PRSS12: variants seen among roughly 807,000 people sequenced by gnomAD.
PRSS12 encodes the protein serine protease 12.
PRSS12 carries 85 observed loss-of-function variants against 104.4 expected under a neutral mutation model. That is an observed-to-expected ratio of 0.81 (90% CI 0.68 to 0.98). The LOEUF (loss-of-function observed/expected upper bound fraction) is 0.98, where lower values mean the gene tolerates loss of function less well. Ranked by LOEUF, PRSS12 falls within the 50% of genes least tolerant of loss-of-function variation. The pLI, the probability that PRSS12 is intolerant of heterozygous loss-of-function variation, is 0.00. For missense variants in PRSS12, 1,141 were observed against 1,139.2 expected, an observed-to-expected ratio of 1.00 and a Z score of -0.02; for synonymous variants, 454 against 425.2, an observed-to-expected ratio of 1.07 and a Z score of -0.83.
chr4:118,326,825 T>C (rs1225807180), intron 4 of PRSS12, among the ~76,000 whole-genome samples: 1 of 152,200 alleles, frequency 6.6e-6, no homozygotes, highest in Non-Finnish European at 1.5e-5. Flanking sequence ...AAACAAGTTA[T>C]CTTTCCTGCT....
In PRSS12 at chr4:118,334,578, G is replaced by C. The variant is rs370723619; in HGVS notation, c.820+895C>G. ...CCCAGTCAAAAAAAAAAGGATTATA[G>C]CTCTCAGAGTATACACCTGGACTAT... On this transcript the variant is annotated intron_variant, in intron 3 of 12. Coordinates refer to ENST00000296498, the MANE Select transcript of PRSS12 (RefSeq NM_003619.4). Among the ~76,000 whole-genome samples the C allele has an allele frequency of 1.1e-3, 171 of 152,160 alleles. 1 individual carries two copies. Among genetic ancestry groups the C allele is most frequent in the African/African-American group, 4.0e-3 (165 of 41,522 alleles).
intron 5 of PRSS12, 117 bp downstream of exon 5, chr4:118,318,261 G>T: frequency 3.2e-6 from 3 of 950,170 alleles, no homozygotes; most frequent in Non-Finnish European, 4.8e-6. Context: ...TGTTTTATTT[G>T]GTGTATTTAT....
intron 8 of PRSS12, chr4:118,305,922 T>A (rs931171791): frequency 4.7e-5 from 7 of 147,822 alleles, no homozygotes; most frequent in African/African-American, 1.7e-4. Flanking sequence ...TCAGTAACTG[T>A]ATATATATAT....
rs1370839232 is a variant in PRSS12, at chr4:118,311,931, G to C, written c.1489+1270C>G. ...ATTCCAACACCTGCTATCTGGGGCT[G>C]AGAGAATCCATCTCCAGCAAACAAA... On this transcript the variant is annotated intron_variant, in intron 7 of 12. Transcript: ENST00000296498. Among the ~76,000 whole-genome samples, 3 of 152,122 alleles carry C rather than the reference G, an allele frequency of 2.0e-5. No individual in the cohort carries two copies. The East Asian group carries it at 5.8e-4, about 29-fold the overall frequency.
At position 118,308,422 on chromosome 4, in the gene PRSS12, T is replaced by C. The variant is rs755428427; in HGVS notation, c.1631+14A>G. On this transcript the variant is annotated intron_variant, in intron 8 of 12. Coordinates refer to ENST00000296498, the MANE Select transcript of PRSS12 (RefSeq NM_003619.4). ...CTCATCAGTAACCATCCCAAATAAT[T>C]AGGTTTTCCTTACTTGTAGCCAAGC... 3 of 1,613,834 alleles carry C rather than the reference T, an allele frequency of 1.9e-6. No homozygotes were observed. The highest frequency in any genetic ancestry group is 2.5e-6 in the Non-Finnish European group (3 of 1,179,872).
At chr4:118,287,626 T>G (rs1743043455) in intron 11 of PRSS12, among the ~76,000 whole-genome samples, 1 of 152,200 alleles carries the variant, frequency 6.6e-6, no homozygotes, top group Admixed American at 6.5e-5. Context: ...TAGTGTCACC[T>G]CTCCTAGTGG....
chr4:118,346,524 A>G (rs553001437), intron 1 of PRSS12, among the ~76,000 whole-genome samples: 2 of 151,844 alleles, frequency 1.3e-5, no homozygotes, highest in East Asian at 3.9e-4. Flanking sequence ...CATCAAATGC[A>G]GGTACCTGTG....
rs984022562 is a variant in PRSS12 at position 118,313,336 on chromosome 4, C to A, written c.1354G>T (p.Asp452Tyr). The A allele has an allele frequency of 6.2e-7, 1 of 1,614,150 alleles. No homozygotes were observed. Among genetic ancestry groups the A allele is most frequent in the Non-Finnish European group, 8.5e-7 (1 of 1,180,006 alleles). The change falls in exon 7 of 13, where the codon GAC becomes TAC. Residue 452 changes from aspartate (D) to tyrosine (Y), a missense_variant. Coordinates refer to ENST00000296498, the MANE Select transcript of PRSS12 (RefSeq NM_003619.4). ...EESTGPIWLDDVSCSGKETRF... is the reference protein window; with the variant it reads ...EESTGPIWLDYVSCSGKETRF... Reference sequence around the variant, plus strand: ...GTTTCCTTTCCTGAGCAGCTGACGTCATCCAACCATATGGGCCCTGTGCTT... The same window carrying A: ...GTTTCCTTTCCTGAGCAGCTGACGTAATCCAACCATATGGGCCCTGTGCTT...
intron 8 of PRSS12, among the ~76,000 whole-genome samples, chr4:118,301,612 T>G (rs1337869447): frequency 6.6e-6 from 1 of 152,226 alleles, no homozygotes; most frequent in African/African-American, 2.4e-5. Flanking sequence ...AGGATTGCGG[T>G]ACATCTCTTC....
At position 118,352,753 on chromosome 4, in the gene PRSS12, C is replaced by G. The variant is rs1226199661; in HGVS notation, c.-33G>C. On this transcript the variant is annotated 5_prime_UTR_variant, in exon 1 of 13. Coordinates refer to ENST00000296498, the MANE Select transcript of PRSS12 (RefSeq NM_003619.4). ...GCGCTGCGGGGTCTGGTCCATGCTC[C>G]CCAGCTTCTCGGGCTTGGAGCGGAG... The G allele has an allele frequency of 6.2e-7, 1 of 1,610,810 alleles. No homozygotes were observed. The highest frequency in any genetic ancestry group is 8.5e-7 in the Non-Finnish European group (1 of 1,178,680).
At chr4:118,290,708 T>C (rs1340130591) in intron 11 of PRSS12, among the ~76,000 whole-genome samples, 1 of 152,124 alleles carries the variant, frequency 6.6e-6, no homozygotes, top group Non-Finnish European at 1.5e-5. Flanking sequence ...TTAAATAATT[T>C]CTGCAAAGTT....
rs1742919822 is a variant in PRSS12, at chr4:118,282,923, C to T, written c.2228G>A (p.Ser743Asn). 3 of 1,614,188 alleles carry T rather than the reference C, an allele frequency of 1.9e-6. No homozygotes were observed. The highest frequency in any genetic ancestry group is 2.5e-6 in the Non-Finnish European group (3 of 1,180,040). Reference protein sequence around the residue: ...QGPEEQCARFSSHVLPACLPL... With the variant: ...QGPEEQCARFNSHVLPACLPL... ...TAAACAGGCTGGCAAAACATGGCTGCTGAATCTGGCACATTGCTCTTCTGG... is the reference window on the plus strand; with the variant it reads ...TAAACAGGCTGGCAAAACATGGCTGTTGAATCTGGCACATTGCTCTTCTGG... Residue 743 changes from serine to asparagine, a missense_variant, in exon 12 of 13, where the codon AGC becomes AAC. Coordinates refer to ENST00000296498, the MANE Select transcript of PRSS12 (RefSeq NM_003619.4).
At chr4:118,282,367 A>G in intron 12 of PRSS12, 124 bp from the exon 13 acceptor site, 6 of 1,239,522 alleles carry the variant, frequency 4.8e-6, no homozygotes, top group Non-Finnish European at 7.0e-6. Context: ...GTTTAAAATG[A>G]GCAATGACTA....
At position 118,352,247 on chromosome 4, in the gene PRSS12, C is replaced by T. The variant is rs1265524944; in HGVS notation, c.474G>A (p.Val158=). The T allele has an allele frequency of 1.2e-6, 2 of 1,612,016 alleles. No individual in the cohort carries two copies. The highest frequency in any genetic ancestry group is 2.2e-5 in the South Asian group (2 of 90,856). The part of the protein sequence containing the change: ...WCFYGDARGK[V]DWGYCDCRHG... ...GTCTGCAGTCGCAGTAGCCCCAGTC[C>T]ACCTTGCCACGGGCGTCTCCGTAGA... is the stretch of plus-strand genomic sequence containing the variant. The change falls in exon 1 of 13, where the codon GTG becomes GTA. Residue 158 remains valine, a synonymous_variant. Coordinates refer to ENST00000296498, the MANE Select transcript of PRSS12 (RefSeq NM_003619.4).
intron 11 of PRSS12, among the ~76,000 whole-genome samples, chr4:118,285,416 ATATT>A (rs1411110011): frequency 3.9e-5 from 6 of 152,338 alleles, no homozygotes; most frequent in South Asian, 2.1e-4. Context: ...GTACATTCAC[ATATT>A]TAAAGTAAAA....
Position 118,281,709 on chromosome 4 carries a change from T to C in PRSS12, c.*227A>G, listed in dbSNP as rs1009196351. The stretch of plus-strand genomic sequence containing the variant: ...TGAGGCTTAGAATAAGTCACTCCAG[T>C]GAAATTAGGGTAGAAAATGTTCATT... On this transcript the variant is annotated 3_prime_UTR_variant, in exon 13 of 13. Transcript: ENST00000296498. 1.7e-6 allele frequency: 1 copy of C among 575,848 alleles called. No individual in the cohort carries two copies. The allele number at this position is 575,848 out of a possible 1,614,324, so 35.7% of individuals were successfully genotyped here. A position where few individuals can be genotyped will look rare whatever the true frequency, so the allele number is the denominator to read the frequency against.
At chr4:118,299,798 T>A (rs372950800) in intron 8 of PRSS12, among the ~76,000 whole-genome samples, 7,322 of 97,746 alleles carry the variant, frequency 0.075, 374 homozygotes, top group Middle Eastern at 0.14. Context: ...ATAAAATAAA[T>A]AAAATAAAAT....
chr4:118,318,394 G>C lies in PRSS12; in HGVS notation c.1134C>G (p.Ser378=). 1 of 1,614,056 alleles carries C rather than the reference G, an allele frequency of 6.2e-7. No homozygotes were observed. Among genetic ancestry groups the C allele is most frequent in the Non-Finnish European group, 8.5e-7 (1 of 1,179,960 alleles). Residue 378 remains serine (S), a synonymous_variant, in exon 5 of 13, where the codon TCC becomes TCG. Transcript: ENST00000296498. ...NCGHKEDAGV[S]CTPLTDGVIR... The stretch of plus-strand genomic sequence containing the variant: ...AATCCTTACCTGTTAGAGGGGTACA[G>C]GACACTCCAGCATCTTCTTTATGGC...
chr4:118,297,071 A>G (rs1225297993), intron 9 of PRSS12, among the ~76,000 whole-genome samples: 2 of 152,194 alleles, frequency 1.3e-5, no homozygotes, highest in Admixed American at 6.5e-5. Flanking sequence ...TTTAAAAGAA[A>G]AATGAAGTTC....
Sources: allele counts gnomAD v4.1 joint callset (sites outside exome capture counted in the v4.1 genomes callset), GRCh38; gene constraint gnomAD v4.1.1; transcripts MANE v1.5; gene names NCBI Gene and HGNC (gene_info 2026-07-23, HGNC 2026-07-21).